Variants in ZNF57 observed in about 807,000 individuals in gnomAD.
The protein encoded by ZNF57 is zinc finger protein 424.
Under a neutral mutation model 13.4 loss-of-function variants are expected in ZNF57, and 11 were observed. That is an observed-to-expected ratio of 0.82 (90% confidence interval 0.52 to 1.36). The LOEUF is 1.36. Among genes scored for constraint, ZNF57 ranks in the 40% most tolerant of loss-of-function variants. The pLI, the probability that ZNF57 is intolerant of heterozygous loss-of-function variation, is 0.00. For missense variants in ZNF57, 696 were observed against 667.5 expected (o/e 1.04, Z -0.47); for synonymous variants, 224 against 238.5 (o/e 0.94, Z 0.56).
chr19:2,907,636 C>G (rs1394620383), intron 1 of ZNF57, among the ~76,000 whole-genome samples: 1 of 152,184 alleles, frequency 6.6e-6, no homozygotes, highest in African/African-American at 2.4e-5. Context: ...TTAGGTAAGC[C>G]TTCACCCTGT....
intron 1 of ZNF57, among the ~76,000 whole-genome samples, chr19:2,912,819 CT>C (rs1413146792): frequency 6.6e-6 from 1 of 152,116 alleles, no homozygotes; most frequent in Non-Finnish European, 1.5e-5. Flanking sequence ...AACTTATTTT[CT>C]TTTTTAGTTT....
chr19:2,916,961 G>T lies in ZNF57; in HGVS notation c.340G>T (p.Gly114Cys), dbSNP rs763572735. Reference sequence around the variant, plus strand: ...GGACAGATTCTGTACACATAATGAAGGTAATCAATATGGAGAAGCCATCCA... The same window carrying T: ...GGACAGATTCTGTACACATAATGAATGTAATCAATATGGAGAAGCCATCCA... ...MVDRFCTHNE[G>C]NQYGEAIHQM... The change falls in exon 4 of 4, where the codon GGT (glycine) becomes TGT (cysteine). Residue 114 changes from glycine to cysteine, a missense_variant. By Grantham distance (159) the Gly-to-Cys change is radical. Transcript: ENST00000306908. 4.3e-6 allele frequency: 7 copies of T among 1,609,996 alleles called. No individual in the cohort carries two copies. Among genetic ancestry groups the T allele is most frequent in the Non-Finnish European group, 5.9e-6 (7 of 1,178,478 alleles).
chr19:2,900,974 C>G lies in ZNF57; in HGVS notation c.-72C>G. The stretch of plus-strand genomic sequence containing the variant: ...CCTACCACGAGCGGCCCGGGAGTAC[C>G]TGTACCTTTCAGCTGCGCCGGCCGC... On this transcript the variant is annotated 5_prime_UTR_variant, in exon 1 of 4. Transcript: ENST00000306908. The G allele has an allele frequency of 1.3e-6, 2 of 1,546,916 alleles. No homozygotes were observed. Among genetic ancestry groups the G allele is most frequent in the Non-Finnish European group, 1.7e-6 (2 of 1,144,222 alleles).
Position 2,915,404 on chromosome 19 carries a change from C to A in ZNF57, c.4-118C>A, listed in dbSNP as rs534489363. On this transcript the variant is annotated intron_variant, in intron 1 of 3. Coordinates refer to ENST00000306908, the MANE Select transcript of ZNF57 (RefSeq NM_173480.3). ...GAATAAGTAAAAGATCTAACATTCGCGTCATAGAGGAGGTGTTGGGACACC... is the reference window on the plus strand; with the variant it reads ...GAATAAGTAAAAGATCTAACATTCGAGTCATAGAGGAGGTGTTGGGACACC... The A allele has an allele frequency of 4.5e-6, 6 of 1,330,090 alleles. No homozygotes were observed. In the Admixed American group the frequency reaches 9.0e-5, roughly 20 times the overall value. The allele number at this position is 1,330,090 out of a possible 1,614,324, so 82.4% of individuals were successfully genotyped here.
chr19:2,915,413 G>C, intron 1 of ZNF57, 109 bp from the exon 2 acceptor site: 1 of 1,399,868 alleles, frequency 7.1e-7, no homozygotes, highest in East Asian at 2.3e-5. Flanking sequence ...GCGTCATAGA[G>C]GAGGTGTTGG....
intron 1 of ZNF57, among the ~76,000 whole-genome samples, chr19:2,905,237 T>C (rs2088062120): frequency 6.6e-6 from 1 of 151,892 alleles, no homozygotes; most frequent in Non-Finnish European, 1.5e-5. Context: ...CAATCTTGGC[T>C]CACTGCATCC....
chr19:2,908,635 C>A (rs2088098838), intron 1 of ZNF57, among the ~76,000 whole-genome samples: 2 of 151,838 alleles, frequency 1.3e-5, no homozygotes, highest in Admixed American at 1.3e-4. Flanking sequence ...GACCTCCTGA[C>A]CTCGTGATCC....
chr19:2,909,113 G>A (rs981619174), intron 1 of ZNF57, among the ~76,000 whole-genome samples: 2 of 151,858 alleles, frequency 1.3e-5, no homozygotes, highest in African/African-American at 4.8e-5. Flanking sequence ...ACTTTGAGTT[G>A]TTTCCACCTT....
intron 1 of ZNF57, among the ~76,000 whole-genome samples, chr19:2,904,041 T>C (rs1407341110): frequency 1.3e-5 from 2 of 152,130 alleles, no homozygotes; most frequent in African/African-American, 4.8e-5. Context: ...TTATATTTTT[T>C]TGTAGAGACG....
Position 2,900,987 on chromosome 19 carries a change from C to G in ZNF57, c.-59C>G. ...GCCCGGGAGTACCTGTACCTTTCAG[C>G]TGCGCCGGCCGCGAGGCCACGGAGA... is the stretch of plus-strand genomic sequence containing the variant. On this transcript the variant is annotated 5_prime_UTR_variant, in exon 1 of 4. Coordinates refer to ENST00000306908, the MANE Select transcript of ZNF57 (RefSeq NM_173480.3). 1.3e-6 allele frequency: 2 copies of G among 1,549,644 alleles called. No individual in the cohort carries two copies. Among genetic ancestry groups the G allele is most frequent in the Non-Finnish European group, 1.7e-6 (2 of 1,146,004 alleles).
chr19:2,903,401 G>A (rs945041741), intron 1 of ZNF57, among the ~76,000 whole-genome samples: 33 of 151,990 alleles, frequency 2.2e-4, no homozygotes, highest in Admixed American at 5.2e-4. Context: ...TAGTAGAGAC[G>A]GGGTTTCGCC....
At chr19:2,908,468 T>TA (rs2088096565) in intron 1 of ZNF57, among the ~76,000 whole-genome samples, 1 of 147,774 alleles carries the variant, frequency 6.8e-6, no homozygotes, top group Non-Finnish European at 1.5e-5. Context: ...TTGGTTTTTT[T>TA]TTTTTTTTTT....
At position 2,917,096 on chromosome 19, in the gene ZNF57, G is replaced by A. The variant is rs748216397; in HGVS notation, c.475G>A (p.Val159Ile). The change falls in exon 4 of 4, where the codon GTC (valine) becomes ATC (isoleucine). Residue 159 changes from valine to isoleucine, a missense_variant. Transcript: ENST00000306908. Reference sequence around the variant, plus strand: ...GCATCTTTCTTCTCTTAAAAGGCACGTCAAGTCTCACTGTGGACGAAAAGC... The same window carrying A: ...GCATCTTTCTTCTCTTAAAAGGCACATCAAGTCTCACTGTGGACGAAAAGC... ...FTHLSSLKRHVKSHCGRKAPP... is the reference protein window; with the variant it reads ...FTHLSSLKRHIKSHCGRKAPP... The A allele has an allele frequency of 2.3e-5, 37 of 1,613,980 alleles. No individual in the cohort carries two copies. Among genetic ancestry groups the A allele is most frequent in the Admixed American group, 8.3e-5 (5 of 59,992 alleles).
In ZNF57 at chr19:2,918,172, CTCCT is replaced by C; in HGVS notation, c.1555_1558del (p.Phe519GlyfsTer4). On this transcript the variant is annotated frameshift_variant, in exon 4 of 4. Coordinates refer to ENST00000306908, the MANE Select transcript of ZNF57 (RefSeq NM_173480.3). LOFTEE classifies it low-confidence loss of function (END_TRUNC). The stretch of plus-strand genomic sequence containing the variant: ...GTGGGATGTCCTTCAAGTGGCACTC[CTCCT>C]TCCGGAACCATCTGAGGATGCACAC... 6.2e-7 allele frequency: 1 copy of C among 1,614,204 alleles called. No individual in the cohort carries two copies. Among genetic ancestry groups the C allele is most frequent in the South Asian group, 1.1e-5 (1 of 91,080 alleles).
At chr19:2,911,301 T>C (rs2088133057) in intron 1 of ZNF57, among the ~76,000 whole-genome samples, 2 of 151,624 alleles carry the variant, frequency 1.3e-5, no homozygotes, top group Admixed American at 6.6e-5. Context: ...GAGGCCGAGG[T>C]GGGTGGATCA....
chr19:2,910,806 G>C lies in ZNF57; in HGVS notation c.4-4716G>C, dbSNP rs1176035481. On this transcript the variant is annotated intron_variant, in intron 1 of 3. Coordinates refer to ENST00000306908, the MANE Select transcript of ZNF57 (RefSeq NM_173480.3). ...AGACGGGGTTTCCCTGTGTTGGCCA[G>C]GATGGTCTCCATCTCCTGACGTCGT... Among the ~76,000 whole-genome samples the C allele has an allele frequency of 9.7e-5, 11 of 113,558 alleles. 1 individual carries two copies. The highest frequency in any genetic ancestry group is 1.8e-4 in the African/African-American group (6 of 33,940). 74.5% of individuals were successfully genotyped at this position (113,558 alleles called of 152,430 possible).
Position 2,915,527 on chromosome 19 carries a change from A to G in ZNF57, c.9A>G (p.Ser3=), listed in dbSNP as rs1164440740. The G allele has an allele frequency of 6.2e-7, 1 of 1,613,830 alleles. No homozygotes were observed. MD[S]VVFEDVAVDF... is the part of the protein sequence containing the mutation. Reference sequence around the variant, plus strand: ...ACCTGTGTGGTTTGTCTTAGGACTCAGTGGTCTTTGAGGATGTGGCTGTGG... The same window carrying G: ...ACCTGTGTGGTTTGTCTTAGGACTCGGTGGTCTTTGAGGATGTGGCTGTGG... Residue 3 remains serine (S), a synonymous_variant, in exon 2 of 4, where the codon TCA becomes TCG. Coordinates refer to ENST00000306908, the MANE Select transcript of ZNF57 (RefSeq NM_173480.3).
At chr19:2,913,260 T>A (rs977200910) in intron 1 of ZNF57, among the ~76,000 whole-genome samples, 1 of 152,220 alleles carries the variant, frequency 6.6e-6, no homozygotes, top group Non-Finnish European at 1.5e-5. Flanking sequence ...ATCAGTTTTG[T>A]TTGATCTTTT....
In ZNF57 at chr19:2,905,415, C is replaced by CG. The variant is rs1555677396; in HGVS notation, c.3+4367_3+4368insG. On this transcript the variant is annotated intron_variant, in intron 1 of 3. Transcript: ENST00000306908. ...CTTGACTTCAGGTGATCGCCCCCCCCCCCTCGGCATTCCAAAGTATTTGCA... is the reference window on the plus strand; with the variant it reads ...CTTGACTTCAGGTGATCGCCCCCCCCGCCCTCGGCATTCCAAAGTATTTGCA... Among the ~76,000 whole-genome samples, 8 of 71,916 alleles carry CG rather than the reference C, an allele frequency of 1.1e-4. 3 individuals carry two copies. The highest frequency in any genetic ancestry group is 2.4e-4 in the Non-Finnish European group (6 of 24,880). The allele number at this position is 71,916 out of a possible 152,430, so 47.2% of individuals were successfully genotyped here.
Sources: allele counts gnomAD v4.1 joint callset (sites outside exome capture counted in the v4.1 genomes callset), GRCh38; gene constraint gnomAD v4.1.1; transcripts MANE v1.5; gene names NCBI Gene and HGNC (gene_info 2026-07-23, HGNC 2026-07-21).